Variants in MSI2 observed in about 807,000 individuals in gnomAD.
MSI2 encodes musashi RNA binding protein 2, also known as RNA-binding protein Musashi homolog 2.
A neutral mutation model predicts 45.6 loss-of-function variants in MSI2; 17 were observed. The ratio of observed to expected loss-of-function variants is 0.37; its 90% CI spans 0.26 to 0.56. MSI2 has a LOEUF of 0.56. Among genes scored for constraint, MSI2 ranks in the 20% least tolerant of loss-of-function variants. The pLI is 0.77. For missense variants in MSI2, 293 were observed against 444.2 expected, an observed-to-expected ratio of 0.66 and a Z score of 3.06; for synonymous variants, 156 against 158.2, an observed-to-expected ratio of 0.99 and a Z score of 0.11.
chr17:57,665,445 G>A (rs1043917345), intron 11 of MSI2, among the ~76,000 whole-genome samples: 1 of 152,182 alleles, frequency 6.6e-6, no homozygotes. Context: ...ACATGTATGC[G>A]CCTGCTTTGA....
At chr17:57,433,710 G>A (rs773505099) in intron 6 of MSI2, among the ~76,000 whole-genome samples, 6 of 152,112 alleles carry the variant, frequency 3.9e-5, no homozygotes, top group East Asian at 1.9e-4. Flanking sequence ...TCCCTAATGC[G>A]GACCCTCGCT....
intron 11 of MSI2, among the ~76,000 whole-genome samples, chr17:57,662,879 G>A (rs974106531): frequency 3.9e-5 from 6 of 152,198 alleles, no homozygotes; most frequent in African/African-American, 2.4e-5. Flanking sequence ...AAAGGAGGCC[G>A]GGAGGAGGCG....
intron 6 of MSI2, among the ~76,000 whole-genome samples, chr17:57,433,789 G>A (rs1217060088): frequency 3.3e-5 from 5 of 152,338 alleles, no homozygotes; most frequent in East Asian, 3.9e-4. Flanking sequence ...TTCCTTAAGC[G>A]CCGCTCATGC....
At chr17:57,397,835 C>T (rs2083917732) in intron 5 of MSI2, among the ~76,000 whole-genome samples, 1 of 152,214 alleles carries the variant, frequency 6.6e-6, no homozygotes, top group Admixed American at 6.5e-5. Flanking sequence ...CCCATGTTTC[C>T]ACTGGCCTTT....
chr17:57,260,702 A>G (rs1480967430), intron 4 of MSI2, among the ~76,000 whole-genome samples: 1 of 152,156 alleles, frequency 6.6e-6, no homozygotes, highest in Non-Finnish European at 1.5e-5. Flanking sequence ...TTAGTTTTTG[A>G]AAAGTAATCT....
At chr17:57,457,024 G>A (rs1409296731) in intron 6 of MSI2, among the ~76,000 whole-genome samples, 1 of 152,208 alleles carries the variant, frequency 6.6e-6, no homozygotes, top group Admixed American at 6.5e-5. Context: ...CCTGTTCCAA[G>A]GCCTAGAGTT....
At chr17:57,549,717 C>A (rs1041393829) in intron 7 of MSI2, among the ~76,000 whole-genome samples, 2 of 152,228 alleles carry the variant, frequency 1.3e-5, no homozygotes, top group African/African-American at 2.4e-5. Context: ...CAAGGTCACA[C>A]AGCCAGTAGG....
intron 11 of MSI2, among the ~76,000 whole-genome samples, chr17:57,660,278 G>A (rs1911895863): frequency 6.6e-6 from 1 of 152,212 alleles, no homozygotes; most frequent in Non-Finnish European, 1.5e-5. Flanking sequence ...TGGAATGCTA[G>A]GAAGAGTCCA....
At chr17:57,523,655 T>C (rs925482476) in intron 6 of MSI2, 6 of 152,238 alleles carry the variant, frequency 3.9e-5, no homozygotes, top group African/African-American at 1.4e-4. Flanking sequence ...CCAACCTTGC[T>C]GATGGGGTGA....
intron 6 of MSI2, among the ~76,000 whole-genome samples, chr17:57,487,010 C>T (rs1011085552): frequency 6.6e-6 from 1 of 152,072 alleles, no homozygotes; most frequent in Non-Finnish European, 1.5e-5. Context: ...AAAACCCAGC[C>T]AAGTAGGGAG....
chr17:57,421,837 A>G (rs1306424086), intron 6 of MSI2, among the ~76,000 whole-genome samples: 2 of 152,206 alleles, frequency 1.3e-5, no homozygotes, highest in East Asian at 1.9e-4. Flanking sequence ...AGCCTGGGCA[A>G]CAGAGTGAGG....
chr17:57,413,240 A>G (rs1393342271), intron 6 of MSI2, among the ~76,000 whole-genome samples: 1 of 151,932 alleles, frequency 6.6e-6, no homozygotes, highest in Non-Finnish European at 1.5e-5. Flanking sequence ...GGAGCTTACC[A>G]CTCAATTCTT....
intron 6 of MSI2, among the ~76,000 whole-genome samples, chr17:57,477,315 C>T (rs958384282): frequency 1.3e-5 from 2 of 152,036 alleles, no homozygotes; most frequent in Non-Finnish European, 2.9e-5. Context: ...ACACAATTGC[C>T]TGTTAATGGA....
At chr17:57,378,704 T>C (rs1395859286) in intron 5 of MSI2, among the ~76,000 whole-genome samples, 1 of 152,156 alleles carries the variant, frequency 6.6e-6, no homozygotes, top group African/African-American at 2.4e-5. Flanking sequence ...GCCCATTTCT[T>C]GTTTATCTTC....
At chr17:57,483,705 C>T (rs144315626) in intron 6 of MSI2, among the ~76,000 whole-genome samples, 1 of 152,306 alleles carries the variant, frequency 6.6e-6, no homozygotes, top group African/African-American at 2.4e-5. Context: ...GTTGCTGGTT[C>T]TGCAAGTGTT....
chr17:57,507,225 C>CTCTG (rs1297862205), intron 6 of MSI2, among the ~76,000 whole-genome samples: 13 of 51,246 alleles, frequency 2.5e-4, no homozygotes, highest in East Asian at 5.3e-4. Flanking sequence ...CTTTGTCTCT[C>CTCTG]TGTGTGTGTG....
chr17:57,584,959 A>G (rs187622402), intron 7 of MSI2, among the ~76,000 whole-genome samples: 1 of 151,984 alleles, frequency 6.6e-6, no homozygotes. Context: ...CTGGGATTAC[A>G]GTCATGCGCC....
At position 57,586,007 on chromosome 17, in the gene MSI2, C is replaced by T. The variant is rs950285292; in HGVS notation, c.455-10861C>T. The stretch of plus-strand genomic sequence containing the variant: ...ATTTAATTTGGTGAATTTACCACTG[C>T]GTCCCAGAGTTTATATTGGCACTTA... On this transcript the variant is annotated intron_variant, in intron 7 of 13. Coordinates refer to ENST00000284073, the MANE Select transcript of MSI2 (RefSeq NM_138962.4). 2.6e-5 allele frequency among the ~76,000 whole-genome samples: 4 copies of T among 152,248 alleles called. No homozygotes were observed. In the South Asian group the frequency reaches 6.2e-4, roughly 24 times the overall value.
intron 5 of MSI2, among the ~76,000 whole-genome samples, chr17:57,362,024 A>G (rs1466592715): frequency 6.6e-6 from 1 of 152,232 alleles, no homozygotes; most frequent in Non-Finnish European, 1.5e-5. Flanking sequence ...GCCAGAATTT[A>G]TCTCTGGGAT....
Sources: gnomAD v4.1 joint callset for allele counts (sites outside exome capture counted in the v4.1 genomes callset) on GRCh38, gnomAD v4.1.1 for gene constraint, MANE v1.5 for transcripts, NCBI Gene and HGNC (gene_info 2026-07-23, HGNC 2026-07-21) for gene names.